KCNMA1: variants seen among roughly 807,000 people sequenced by gnomAD.
KCNMA1 encodes the protein potassium calcium-activated channel subfamily M alpha 1.
A neutral mutation model predicts 140.0 loss-of-function variants in KCNMA1; 29 were observed. The observed-to-expected ratio is 0.21, with a 90% CI of 0.15 to 0.28. The LOEUF is 0.28. KCNMA1 is among the 10% of genes least tolerant of loss of function. KCNMA1 has a pLI of 1.00. For missense variants in KCNMA1, 880 were observed against 1,602.2 expected, an observed-to-expected ratio of 0.55 and a Z score of 7.70; for synonymous variants, 612 against 611.9, an observed-to-expected ratio of 1.00 and a Z score of 0.00.
At chr10:77,014,805 G>A (rs184813487) in intron 17 of KCNMA1, among the ~76,000 whole-genome samples, 169 of 152,292 alleles carry the variant, frequency 1.1e-3, no homozygotes, top group African/African-American at 3.8e-3. Flanking sequence ...AAGCTCAGCT[G>A]ACCTCTGCCA....
At chr10:77,407,302 C>T (rs1008560209) in intron 1 of KCNMA1, among the ~76,000 whole-genome samples, 2 of 152,160 alleles carry the variant, frequency 1.3e-5, no homozygotes, top group African/African-American at 4.8e-5. Flanking sequence ...CCACCACTGA[C>T]TTCACTCTGG....
At chr10:77,280,870 A>G (rs2068311650) in intron 2 of KCNMA1, among the ~76,000 whole-genome samples, 1 of 152,162 alleles carries the variant, frequency 6.6e-6, no homozygotes. Context: ...CCCCTCATTG[A>G]ATAGGAGTAG....
chr10:77,328,042 TG>T (rs2084894537), intron 2 of KCNMA1, among the ~76,000 whole-genome samples: 1 of 152,170 alleles, frequency 6.6e-6, no homozygotes, highest in Non-Finnish European at 1.5e-5. Flanking sequence ...CAAGGTAAAG[TG>T]GGACTCTGCT....
chr10:77,252,019 G>A (rs1374727634), intron 2 of KCNMA1, among the ~76,000 whole-genome samples: 1 of 152,212 alleles, frequency 6.6e-6, no homozygotes, highest in African/African-American at 2.4e-5. Context: ...TAGGAAAGTA[G>A]TTCCAGTTCA....
intron 24 of KCNMA1, chr10:76,911,116 T>C (rs2050010962): frequency 6.6e-6 from 1 of 152,210 alleles, no homozygotes; most frequent in South Asian, 2.1e-4. Context: ...CTTTCCCTGA[T>C]TCCTTTCTAA....
chr10:76,900,955 G>A, intron 25 of KCNMA1, among the ~76,000 whole-genome samples: 1 of 148,700 alleles, frequency 6.7e-6, no homozygotes, highest in East Asian at 2.0e-4. Flanking sequence ...CTTGTTCAAA[G>A]ATTTATGTAC....
At chr10:77,265,054 CT>C (rs796813897) in intron 2 of KCNMA1, among the ~76,000 whole-genome samples, 86 of 146,198 alleles carry the variant, frequency 5.9e-4, no homozygotes, top group East Asian at 1.8e-3. Flanking sequence ...TCAAAAGACT[CT>C]TTTTTTTTTT....
chr10:77,155,457 C>T (rs780934183), intron 5 of KCNMA1, among the ~76,000 whole-genome samples: 3 of 143,910 alleles, frequency 2.1e-5, no homozygotes, highest in Non-Finnish European at 4.8e-5. Context: ...AACATCTTGC[C>T]GAAGCTCACC....
chr10:77,525,047 G>A (rs2055050880), intron 1 of KCNMA1, among the ~76,000 whole-genome samples: 1 of 152,124 alleles, frequency 6.6e-6, no homozygotes, highest in South Asian at 2.1e-4. Flanking sequence ...TTTCAGTAAG[G>A]TACCGTGTTC....
At chr10:77,148,322 G>A (rs989507980) in intron 5 of KCNMA1, 2 of 152,168 alleles carry the variant, frequency 1.3e-5, no homozygotes, top group Non-Finnish European at 2.9e-5. Context: ...GAAGAACACG[G>A]TGAGTTATAT....
intron 1 of KCNMA1, among the ~76,000 whole-genome samples, chr10:77,447,026 C>T (rs1400907993): frequency 6.6e-6 from 1 of 152,222 alleles, no homozygotes; most frequent in Non-Finnish European, 1.5e-5. Context: ...CCCAACCTCA[C>T]CTCGAAGAAG....
In KCNMA1 at chr10:76,948,830, T is replaced by C. The variant is rs994786986; in HGVS notation, c.2709+312A>G. On this transcript the variant is annotated intron_variant, in intron 22 of 27. Coordinates refer to ENST00000286628, the MANE Select transcript of KCNMA1 (RefSeq NM_001161352.2). ...AAGCAAATCCTTACTATAAACATCA[T>C]AATATAACAATGCTCTAGGTTTTGT... 8 of 434,018 alleles carry C rather than the reference T, an allele frequency of 1.8e-5. No homozygotes were observed. The Admixed American group carries it at 2.1e-4, about 11-fold the overall frequency. The allele number at this position is 434,018 out of a possible 1,614,324, so 26.9% of individuals were successfully genotyped here. A position where few individuals can be genotyped will look rare whatever the true frequency, so the allele number is the denominator to read the frequency against.
intron 20 of KCNMA1, among the ~76,000 whole-genome samples, chr10:76,962,222 G>A (rs983679152): frequency 1.3e-5 from 2 of 152,146 alleles, no homozygotes; most frequent in African/African-American, 2.4e-5. Flanking sequence ...TGGGTTCAAC[G>A]CTGGACTTCA....
chr10:76,959,130 G>T (rs1234316664), intron 20 of KCNMA1, among the ~76,000 whole-genome samples: 2 of 152,174 alleles, frequency 1.3e-5, no homozygotes, highest in African/African-American at 4.8e-5. Flanking sequence ...AGGCATGTTA[G>T]ATCTGCTCTG....
chr10:77,399,626 G>A (rs1433048878), intron 2 of KCNMA1, among the ~76,000 whole-genome samples: 1 of 152,146 alleles, frequency 6.6e-6, no homozygotes, highest in Admixed American at 6.5e-5. Context: ...CTGGAGCCGG[G>A]GGGTCAAGGA....
intron 1 of KCNMA1, among the ~76,000 whole-genome samples, chr10:77,597,950 C>T (rs1171358114): frequency 1.3e-5 from 2 of 152,146 alleles, no homozygotes; most frequent in African/African-American, 2.4e-5. Context: ...ATTCACTTCT[C>T]TGTAAGATAT....
At chr10:77,274,072 G>A (rs1283606302) in intron 2 of KCNMA1, among the ~76,000 whole-genome samples, 1 of 152,082 alleles carries the variant, frequency 6.6e-6, no homozygotes, top group Non-Finnish European at 1.5e-5. Flanking sequence ...GATTTGCCTT[G>A]CAAACAAAGA....
At chr10:77,440,069 C>A (rs934230455) in intron 1 of KCNMA1, among the ~76,000 whole-genome samples, 12 of 152,290 alleles carry the variant, frequency 7.9e-5, no homozygotes, top group African/African-American at 2.6e-4. Context: ...AGCTTCTCCA[C>A]CACTTCTTGC....
chr10:77,062,993 T>A (rs569422043), intron 14 of KCNMA1, among the ~76,000 whole-genome samples: 80 of 152,324 alleles, frequency 5.3e-4, no homozygotes, highest in Non-Finnish European at 9.0e-4. Context: ...GCTATGGTGA[T>A]GGGTCCTGTG....
Sources: allele counts gnomAD v4.1 joint callset (sites outside exome capture counted in the v4.1 genomes callset), GRCh38; gene constraint gnomAD v4.1.1; transcripts MANE v1.5; gene names NCBI Gene and HGNC (gene_info 2026-07-23, HGNC 2026-07-21).